The following EDN1 variants were observed in gnomAD, a reference collection of about 807,000 sequenced individuals.
EDN1 encodes endothelin 1, also known as endothelin-1.
Under a neutral mutation model 21.7 loss-of-function variants are expected in EDN1, and 11 were observed. That is an observed-to-expected ratio of 0.51 (90% CI 0.32 to 0.84). The LOEUF (loss-of-function observed/expected upper bound fraction) is 0.84, where lower values mean the gene tolerates loss of function less well. Among genes scored for constraint, EDN1 ranks in the 40% least tolerant of loss-of-function variants. The pLI is 0.03. For synonymous variants in EDN1, 85 were observed against 90.6 expected (o/e 0.94, Z 0.35); for missense variants, 244 against 262.3 (o/e 0.93, Z 0.48).
the EDN1 span, among the ~76,000 whole-genome samples, chr6:12,250,151 C>T: frequency 0.011 from 1,710 of 151,732 alleles, 25 homozygotes; most frequent in African/African-American, 0.04. Context: ...CCCTCAGAAG[C>T]ATACAAGATA....
At chr6:12,251,463 T>C in the EDN1 span, among the ~76,000 whole-genome samples, 3 of 152,228 alleles carry the variant, frequency 2.0e-5, no homozygotes, top group Non-Finnish European at 4.4e-5. Context: ...AAGAAGACAT[T>C]ACAAGTGTCT....
At chr6:12,294,642 C>A (rs1025832702) in intron 4 of EDN1, among the ~76,000 whole-genome samples, 1 of 152,194 alleles carries the variant, frequency 6.6e-6, no homozygotes, top group Non-Finnish European at 1.5e-5. Flanking sequence ...TAGCACATAC[C>A]ATTTCATCTA....
the EDN1 span, among the ~76,000 whole-genome samples, chr6:12,263,650 G>T: frequency 6.6e-6 from 1 of 152,108 alleles, no homozygotes; most frequent in African/African-American, 2.4e-5. Context: ...ACTTGGCCTG[G>T]AGTTACACAA....
At chr6:12,256,768 A>C in the EDN1 span, among the ~76,000 whole-genome samples, 4 of 152,208 alleles carry the variant, frequency 2.6e-5, no homozygotes, top group Non-Finnish European at 5.9e-5. Flanking sequence ...TAGATTGTAT[A>C]GTAGTAGTAA....
chr6:12,255,890 C>T, the EDN1 span, among the ~76,000 whole-genome samples: 1 of 152,194 alleles, frequency 6.6e-6, no homozygotes, highest in Non-Finnish European at 1.5e-5. Context: ...CAGTAAATCT[C>T]TCTAAAGATA....
At chr6:12,256,239 G>C in the EDN1 span, among the ~76,000 whole-genome samples, 10 of 152,158 alleles carry the variant, frequency 6.6e-5, no homozygotes, top group African/African-American at 1.4e-4. Flanking sequence ...TACAGTCCCA[G>C]CTACTTGGGA....
chr6:12,235,528 T>C, the EDN1 span, among the ~76,000 whole-genome samples: 1 of 152,220 alleles, frequency 6.6e-6, no homozygotes, highest in South Asian at 2.1e-4. Context: ...GGTCTCCCCT[T>C]GAATGGCTAG....
At chr6:12,241,191 A>ATTTTTTTT in the EDN1 span, among the ~76,000 whole-genome samples, 1 of 129,778 alleles carries the variant, frequency 7.7e-6, no homozygotes. Flanking sequence ...ATTGAGATGG[A>ATTTTTTTT]GTCTCACTCT....
chr6:12,281,435 T>C, the EDN1 span, among the ~76,000 whole-genome samples: 1 of 151,576 alleles, frequency 6.6e-6, no homozygotes, highest in South Asian at 2.1e-4. Context: ...TCATTTCACC[T>C]ACAGCCTCAA....
the EDN1 span, among the ~76,000 whole-genome samples, chr6:12,282,192 A>T: frequency 6.6e-6 from 1 of 152,132 alleles, no homozygotes; most frequent in African/African-American, 2.4e-5. Flanking sequence ...AAAGGGGAGG[A>T]GTATGGGAGA....
chr6:12,290,588 G>T lies in EDN1; in HGVS notation c.-42G>T, dbSNP rs988874201. On this transcript the variant is annotated 5_prime_UTR_variant, in exon 1 of 5. Coordinates refer to ENST00000379375, the MANE Select transcript of EDN1 (RefSeq NM_001955.5). ...AGCTGTTTTTCTTCGTTTTCCTTTG[G>T]GTTCAGTTTGAACGGGAGGTTTTTG... 5 of 1,561,254 alleles carry T rather than the reference G, an allele frequency of 3.2e-6. No homozygotes were observed. The highest frequency in any genetic ancestry group is 1.4e-5 in the African/African-American group (1 of 73,910).
rs1762701800 is a variant in EDN1, at chr6:12,292,274, T to C, written c.65-67T>C. 9 of 1,603,202 alleles carry C rather than the reference T, an allele frequency of 5.6e-6. No individual in the cohort carries two copies. In the Admixed American group the frequency reaches 1.5e-4, roughly 27 times the overall value. On this transcript the variant is annotated intron_variant, in intron 1 of 4. Transcript: ENST00000379375. Reference sequence around the variant, plus strand: ...TCTGCTCTGCTAGCTCTGACTCTACTGTGATCCAGCATGTCTCTCGGCGTT... The same window carrying C: ...TCTGCTCTGCTAGCTCTGACTCTACCGTGATCCAGCATGTCTCTCGGCGTT...
chr6:12,236,780 T>G, the EDN1 span, among the ~76,000 whole-genome samples: 1 of 151,290 alleles, frequency 6.6e-6, no homozygotes, highest in South Asian at 2.1e-4. Flanking sequence ...TTTTTTTTTT[T>G]TGTTAGGAAA....
upstream of EDN1, among the ~76,000 whole-genome samples, chr6:12,286,056 GT>G (rs1762555561): frequency 6.6e-6 from 1 of 152,090 alleles, no homozygotes; most frequent in African/African-American, 2.4e-5. Flanking sequence ...AATTATTCAT[GT>G]AAAAGAAACA....
At chr6:12,291,871 C>T (rs987818726) in intron 1 of EDN1, among the ~76,000 whole-genome samples, 1 of 152,200 alleles carries the variant, frequency 6.6e-6, no homozygotes, top group Non-Finnish European at 1.5e-5. Context: ...ATGGGTACCC[C>T]CTAAAGAGAG....
chr6:12,273,928 A>G, the EDN1 span, among the ~76,000 whole-genome samples: 4 of 152,216 alleles, frequency 2.6e-5, no homozygotes, highest in East Asian at 7.7e-4. Context: ...AGTCTCTGTT[A>G]AGAAATAACA....
At chr6:12,245,988 T>C in the EDN1 span, among the ~76,000 whole-genome samples, 1 of 151,118 alleles carries the variant, frequency 6.6e-6, no homozygotes, top group Non-Finnish European at 1.5e-5. Context: ...ATAACAATGT[T>C]GTATTTACAT....
chr6:12,243,812 C>T, the EDN1 span, among the ~76,000 whole-genome samples: 1 of 152,134 alleles, frequency 6.6e-6, no homozygotes, highest in Non-Finnish European at 1.5e-5. Flanking sequence ...ATTTAATTCA[C>T]TAACATATAA....
the EDN1 span, among the ~76,000 whole-genome samples, chr6:12,283,405 C>T: frequency 6.6e-6 from 1 of 152,052 alleles, no homozygotes; most frequent in Non-Finnish European, 1.5e-5. Context: ...TTCTAAAACG[C>T]TGTAGGGAAT....
Sources: allele counts gnomAD v4.1 joint callset (sites outside exome capture counted in the v4.1 genomes callset), GRCh38; gene constraint gnomAD v4.1.1; transcripts MANE v1.5; gene names NCBI Gene and HGNC (gene_info 2026-07-23, HGNC 2026-07-21).